TEX2: variants seen among roughly 807,000 people sequenced by gnomAD.
The protein encoded by TEX2 is testis-expressed protein 2.
A neutral mutation model predicts 106.9 loss-of-function variants in TEX2; 53 were observed. The observed-to-expected ratio is 0.50, with a 90% confidence interval of 0.40 to 0.62. The LOEUF is 0.62. Ranked by LOEUF, TEX2 falls within the 20% of genes least tolerant of loss-of-function variation. The probability of loss-of-function intolerance (pLI) is 0.00; values close to 1 mark genes in which losing one functional copy is unlikely to be tolerated. For missense variants in TEX2, 1,207 were observed against 1,379.0 expected, an observed-to-expected ratio of 0.88 and a Z score of 1.98; for synonymous variants, 523 against 534.8, an observed-to-expected ratio of 0.98 and a Z score of 0.30.
chr17:64,188,567 A>G, intron 4 of TEX2, 152 bp from the exon 5 acceptor site: 1 of 1,273,322 alleles, frequency 7.9e-7, no homozygotes, highest in Non-Finnish European at 1.1e-6. Flanking sequence ...CTGTAATCCC[A>G]GCACTTTGAG....
chr17:64,243,326 G>A (rs180951937), intron 1 of TEX2, among the ~76,000 whole-genome samples: 1 of 152,036 alleles, frequency 6.6e-6, no homozygotes, highest in African/African-American at 2.4e-5. Context: ...GACTCTCAGG[G>A]GAAAAAAGCA....
Position 64,188,185 on chromosome 17 carries a change from G to A in TEX2, c.2407C>T (p.Pro803Ser), listed in dbSNP as rs755414173. 9.9e-6 allele frequency: 16 copies of A among 1,609,230 alleles called. No individual in the cohort carries two copies. The East Asian group carries it at 1.8e-4, about 18-fold the overall frequency. ...RSPLQSAESS[P>S]TAGKKLPEVP... ...AGCTTTACCTTCTTCCCAGCTGTGG[G>A]GCTGCTCTCCGCACTCTGCAGGGGG... Residue 803 changes from proline to serine, a missense_variant, in exon 5 of 12, where the codon CCC becomes TCC. Physicochemically the swap from Pro to Ser is moderately conservative, Grantham distance 74. Transcript: ENST00000584379.
intron 2 of TEX2, among the ~76,000 whole-genome samples, chr17:64,207,828 C>G (rs1457844467): frequency 6.6e-6 from 1 of 152,032 alleles, no homozygotes; most frequent in Non-Finnish European, 1.5e-5. Flanking sequence ...CTCTGCCTCC[C>G]GGGTTCACGC....
Position 64,195,220 on chromosome 17 carries a change from C to T in TEX2, c.1645-125G>A. 9 of 837,212 alleles carry T rather than the reference C, an allele frequency of 1.1e-5. No individual in the cohort carries two copies. The highest frequency in any genetic ancestry group is 1.7e-5 in the Non-Finnish European group (9 of 520,198). The allele number at this position is 837,212 out of a possible 1,614,324, so 51.9% of individuals were successfully genotyped here. A position where few individuals can be genotyped will look rare whatever the true frequency, so the allele number is the denominator to read the frequency against. ...CTTGATCACGACACAGATATCAGCT[C>T]ACCAATGACTACAGGTTGCAAAGAG... On this transcript the variant is annotated intron_variant, in intron 2 of 11. Transcript: ENST00000584379. The surrounding 1 kb of genome is among the most constrained non-coding windows in gnomAD (Gnocchi z 4.1).
In TEX2 at chr17:64,212,788, C is replaced by T; in HGVS notation, c.1430G>A (p.Gly477Asp). Residue 477 changes from glycine (G) to aspartate (D), a missense_variant, in exon 2 of 12, where the codon GGC (glycine) becomes GAC (aspartate). Transcript: ENST00000584379. ...QHPELPVKTL[G>D]FFIMCVYVYL... ...CACATAGACACACATTATAAAGAAG[C>T]CCAACGTCTTCACTGGCAATTCCGG... 1 of 1,614,120 alleles carries T rather than the reference C, an allele frequency of 6.2e-7. No individual in the cohort carries two copies. The highest frequency in any genetic ancestry group is 8.5e-7 in the Non-Finnish European group (1 of 1,180,026).
At chr17:64,254,765 G>A (rs1264386306) in intron 1 of TEX2, among the ~76,000 whole-genome samples, 3 of 152,192 alleles carry the variant, frequency 2.0e-5, no homozygotes, top group African/African-American at 4.8e-5. Flanking sequence ...TTTGGGCTTT[G>A]TGTAAAATTC....
At chr17:64,255,373 A>T (rs1220398109) in intron 1 of TEX2, among the ~76,000 whole-genome samples, 1 of 152,088 alleles carries the variant, frequency 6.6e-6, no homozygotes, top group Non-Finnish European at 1.5e-5. Context: ...GTGTGCAGGC[A>T]TTTTTTTCTC....
chr17:64,215,666 T>C (rs1451911337), intron 1 of TEX2, among the ~76,000 whole-genome samples: 3 of 152,148 alleles, frequency 2.0e-5, no homozygotes, highest in Non-Finnish European at 4.4e-5. Context: ...AAAATGGAGG[T>C]AGATCCACAG....
chr17:64,224,784 G>A (rs2033458751), intron 1 of TEX2, among the ~76,000 whole-genome samples: 1 of 151,964 alleles, frequency 6.6e-6, no homozygotes, highest in Non-Finnish European at 1.5e-5. Context: ...GGAAAGGGGG[G>A]TTCGAAAGCA....
intron 11 of TEX2, chr17:64,150,357 G>A (rs1217051046): frequency 1.3e-5 from 2 of 152,324 alleles, no homozygotes; most frequent in African/African-American, 2.4e-5. Flanking sequence ...CCAGGGGAGG[G>A]AGAGGCCAGA....
At chr17:64,196,339 T>C (rs1555629289) in intron 2 of TEX2, among the ~76,000 whole-genome samples, 1 of 152,204 alleles carries the variant, frequency 6.6e-6, no homozygotes, top group Admixed American at 6.5e-5. Context: ...AGAGACAAGT[T>C]GTCACAAACA....
chr17:64,163,083 C>T (rs369022898), intron 7 of TEX2, among the ~76,000 whole-genome samples: 4 of 152,230 alleles, frequency 2.6e-5, no homozygotes, highest in South Asian at 4.1e-4. Context: ...CCCTGCTCAG[C>T]CCTGGCACTC....
At chr17:64,177,499 G>C in intron 5 of TEX2, 28 bp from the exon 6 acceptor site, 1 of 1,607,326 alleles carries the variant, frequency 6.2e-7, no homozygotes, top group Non-Finnish European at 8.5e-7. Context: ...ACCAAAATTA[G>C]CTAGAAAGCA....
Position 64,218,487 on chromosome 17 carries a change from C to T in TEX2, c.-25-4245G>A, listed in dbSNP as rs150289269. 5.4e-4 allele frequency among the ~76,000 whole-genome samples: 79 copies of T among 147,584 alleles called. 1 individual carries two copies. In the East Asian group the frequency reaches 0.013, roughly 25 times the overall value. ...AGCCTGGAGTGCAGTGGCACAATCT[C>T]GGCTCATTGCAACCTCCGCCTCCCA... On this transcript the variant is annotated intron_variant, in intron 1 of 11. Coordinates refer to ENST00000584379, the MANE Select transcript of TEX2 (RefSeq NM_001288732.2).
intron 8 of TEX2, among the ~76,000 whole-genome samples, chr17:64,158,606 C>A (rs2030741835): frequency 6.6e-6 from 1 of 152,200 alleles, no homozygotes; most frequent in South Asian, 2.1e-4. Context: ...ATTCCGTAAA[C>A]CTCATGACTG....
At chr17:64,173,225 C>G (rs1483636684) in intron 6 of TEX2, among the ~76,000 whole-genome samples, 3 of 152,100 alleles carry the variant, frequency 2.0e-5, no homozygotes, top group Non-Finnish European at 4.4e-5. Context: ...TTATAATACA[C>G]TTTTAACTTT....
rs765035820 is a variant in TEX2 at position 64,154,947 on chromosome 17, C to G, written c.2825G>C (p.Cys942Ser). ...GKEGCRPRAF[C>S]LADSDEESSS... Reference sequence around the variant, plus strand: ...GGATTCCTCATCGCTGTCCGCCAGACAGAATGCCCGGGGCCTGCAACTGGA... The same window carrying G: ...GGATTCCTCATCGCTGTCCGCCAGAGAGAATGCCCGGGGCCTGCAACTGGA... Residue 942 changes from cysteine to serine, a missense_variant, in exon 9 of 12, where the codon TGT becomes TCT. Cys to Ser is a moderately radical substitution (Grantham distance 112, BLOSUM62 -1). Around this residue, in one of 3 missense-constraint regions of TEX2, gnomAD observed 1,067 missense variants for 1,193.6 expected, o/e 0.89. Coordinates refer to ENST00000584379, the MANE Select transcript of TEX2 (RefSeq NM_001288732.2). 1.9e-5 allele frequency: 30 copies of G among 1,598,124 alleles called. No individual in the cohort carries two copies. The highest frequency in any genetic ancestry group is 2.6e-5 in the Non-Finnish European group (30 of 1,174,592).
intron 5 of TEX2, among the ~76,000 whole-genome samples, chr17:64,178,622 T>C (rs1000260339): frequency 6.6e-6 from 1 of 152,232 alleles, no homozygotes; most frequent in Non-Finnish European, 1.5e-5. Context: ...TGCTGAGGTC[T>C]CTAATTAGAC....
At chr17:64,252,355 C>G (rs1238565185) in intron 1 of TEX2, among the ~76,000 whole-genome samples, 1 of 152,142 alleles carries the variant, frequency 6.6e-6, no homozygotes, top group Non-Finnish European at 1.5e-5. Flanking sequence ...AGGTGTCACC[C>G]AGGCTGGAGT....
Sources: allele counts gnomAD v4.1 joint callset (sites outside exome capture counted in the v4.1 genomes callset), GRCh38; gene constraint gnomAD v4.1.1; regional missense constraint gnomAD v4.1.1; non-coding constraint Gnocchi (gnomAD v3.1); transcripts MANE v1.5; gene names NCBI Gene and HGNC (gene_info 2026-07-23, HGNC 2026-07-21).